SLC2A14: variants seen among roughly 807,000 people sequenced by gnomAD.
The protein encoded by SLC2A14 is solute carrier family 2, facilitated glucose transporter member 14.
SLC2A14 carries 13 observed loss-of-function variants against 43.0 expected under a neutral mutation model. The ratio of observed to expected loss-of-function variants is 0.30; its 90% CI spans 0.20 to 0.48. SLC2A14 has a LOEUF of 0.48. SLC2A14 is among the 20% of genes least tolerant of loss of function. The probability of loss-of-function intolerance (pLI) is 0.99; values close to 1 mark genes in which losing one functional copy is unlikely to be tolerated. For synonymous variants in SLC2A14, 190 were observed against 233.8 expected, an observed-to-expected ratio of 0.81 and a Z score of 1.71; for missense variants, 428 against 620.4, an observed-to-expected ratio of 0.69 and a Z score of 3.29.
chr12:7,841,813 C>G (rs1405255685), intron 2 of SLC2A14, among the ~76,000 whole-genome samples: 1 of 151,842 alleles, frequency 6.6e-6, no homozygotes, highest in African/African-American at 2.4e-5. Flanking sequence ...CGACACCAGC[C>G]CAACCAACAT....
Position 7,829,928 on chromosome 12 carries a change from T to C in SLC2A14, c.351A>G (p.Ser117=), listed in dbSNP as rs771606254. The C allele has an allele frequency of 1.2e-6, 2 of 1,614,200 alleles. No individual in the cohort carries two copies. The highest frequency in any genetic ancestry group is 1.3e-5 in the African/African-American group (1 of 75,060). The change falls in exon 5 of 11, where the codon TCA becomes TCG. Residue 117 remains serine, a synonymous_variant. Coordinates refer to ENST00000431042, the MANE Select transcript of SLC2A14 (RefSeq NM_001286234.2). ...CLMGLCKIAE[S]VEMLILGRLV... is the part of the protein sequence containing the mutation. ...AGCGGCCCAGGATCAGCATTTCAAC[T>C]GACTCAGCTATTTTACACAGTCCCA...
intron 2 of SLC2A14, among the ~76,000 whole-genome samples, chr12:7,859,206 C>T (rs1388210237): frequency 1.3e-5 from 2 of 151,876 alleles, no homozygotes; most frequent in South Asian, 2.1e-4. Flanking sequence ...CTGACGAACA[C>T]GGTGAAACCC....
chr12:7,840,696 T>C (rs1205381894), intron 2 of SLC2A14, among the ~76,000 whole-genome samples: 1 of 152,214 alleles, frequency 6.6e-6, no homozygotes, highest in Non-Finnish European at 1.5e-5. Context: ...TGTGTTGTTT[T>C]GTTATAGCAG....
chr12:7,862,050 G>T (rs750214823), intron 2 of SLC2A14, among the ~76,000 whole-genome samples: 1 of 151,166 alleles, frequency 6.6e-6, no homozygotes, highest in African/African-American at 2.4e-5. Flanking sequence ...TGGATCACGA[G>T]GTGAGGAGTT....
chr12:7,832,868 T>TAA, intron 2 of SLC2A14, 54 bp from the exon 3 acceptor site: 1 of 1,530,344 alleles, frequency 6.5e-7, no homozygotes, highest in Non-Finnish European at 9.0e-7. Context: ...TTGTAATTGA[T>TAA]GACTGTTTCT....
chr12:7,854,115 T>TA (rs1327422654), intron 2 of SLC2A14, among the ~76,000 whole-genome samples: 1 of 152,126 alleles, frequency 6.6e-6, no homozygotes, highest in Non-Finnish European at 1.5e-5. Flanking sequence ...CATATATCTA[T>TA]AGCCTGTCTT....
rs561280330 is a variant in SLC2A14 at position 7,868,452 on chromosome 12, T to C, written c.18+1411A>G. ...ACCTGCACTATCTCTGAGGTATGCC[T>C]GTATTTAGAATAATCAAAATCCTCC... On this transcript the variant is annotated intron_variant, in intron 2 of 10. Transcript: ENST00000431042. Among the ~76,000 whole-genome samples, 86 of 152,166 alleles carry C rather than the reference T, an allele frequency of 5.7e-4. 1 individual carries two copies. Among genetic ancestry groups the C allele is most frequent in the Admixed American group, 4.6e-4 (7 of 15,270 alleles).
upstream of SLC2A14, among the ~76,000 whole-genome samples, chr12:7,874,532 C>A (rs934848894): frequency 6.6e-6 from 1 of 151,276 alleles, no homozygotes; most frequent in Non-Finnish European, 1.5e-5. Context: ...ACTAGCCGGG[C>A]GTGGTGGCAT....
intron 2 of SLC2A14, among the ~76,000 whole-genome samples, chr12:7,848,547 T>C (rs1337603146): frequency 1.7e-5 from 2 of 115,846 alleles, no homozygotes; most frequent in African/African-American, 6.5e-5. Flanking sequence ...TTCTGCTTTT[T>C]CCAATTCCAT....
chr12:7,888,696 G>C (rs187730514), intron 1 of SLC2A14, among the ~76,000 whole-genome samples: 31 of 151,428 alleles, frequency 2.0e-4, no homozygotes, highest in Admixed American at 1.8e-3. Flanking sequence ...TGCTCCGGAG[G>C]CTGAGGCAGG....
intron 10 of SLC2A14, among the ~76,000 whole-genome samples, chr12:7,815,316 T>C (rs1863339461): frequency 6.6e-6 from 1 of 151,614 alleles, no homozygotes; most frequent in African/African-American, 2.4e-5. Context: ...CTCAGGAGGC[T>C]GAGGCAAGAG....
At chr12:7,881,700 C>T (rs1362384623) in intron 1 of SLC2A14, among the ~76,000 whole-genome samples, 1 of 152,100 alleles carries the variant, frequency 6.6e-6, no homozygotes, top group African/African-American at 2.4e-5. Context: ...CACCTCCAGC[C>T]CCAGTGCAAG....
intron 2 of SLC2A14, among the ~76,000 whole-genome samples, chr12:7,844,352 C>T (rs1866273442): frequency 6.6e-6 from 1 of 152,072 alleles, no homozygotes; most frequent in Non-Finnish European, 1.5e-5. Context: ...TAGTATTCCA[C>T]TTTTGGCTAT....
At position 7,856,401 on chromosome 12, in the gene SLC2A14, C is replaced by T. The variant is rs913541514; in HGVS notation, c.18+13462G>A. 5.9e-5 allele frequency: 9 copies of T among 152,316 alleles called. No homozygotes were observed. The East Asian group carries it at 1.5e-3, about 26-fold the overall frequency. The allele number at this position is 152,316 out of a possible 1,614,324, so 9.4% of individuals were successfully genotyped here. A position where few individuals can be genotyped will look rare whatever the true frequency, so the allele number is the denominator to read the frequency against. On this transcript the variant is annotated intron_variant, in intron 2 of 10. Coordinates refer to ENST00000431042, the MANE Select transcript of SLC2A14 (RefSeq NM_001286234.2). ...CCCATATAAGTCCCGTGCTGATCCG[C>T]AGTGGGATGGCGCCTGTGAATAGCC...
At chr12:7,827,889 C>T (rs1864633687) in intron 6 of SLC2A14, among the ~76,000 whole-genome samples, 1 of 152,032 alleles carries the variant, frequency 6.6e-6, no homozygotes, top group Non-Finnish European at 1.5e-5. Flanking sequence ...GCCTGTAATC[C>T]CAGCATTTTG....
chr12:7,852,762 T>C (rs1867040058), intron 2 of SLC2A14, among the ~76,000 whole-genome samples: 1 of 152,206 alleles, frequency 6.6e-6, no homozygotes, highest in Admixed American at 6.5e-5. Flanking sequence ...TTAGACACCA[T>C]GCACCTTGAT....
chr12:7,890,385 C>T (rs1046484822), intron 1 of SLC2A14, among the ~76,000 whole-genome samples: 4 of 152,092 alleles, frequency 2.6e-5, no homozygotes, highest in Non-Finnish European at 4.4e-5. Context: ...CCACATTTTT[C>T]CTTCTCAGAT....
At chr12:7,815,797 C>T (rs1485113734) in intron 10 of SLC2A14, among the ~76,000 whole-genome samples, 1 of 152,060 alleles carries the variant, frequency 6.6e-6, no homozygotes, top group African/African-American at 2.4e-5. Context: ...GCTGGTCTTG[C>T]ACTCCCAACC....
intron 7 of SLC2A14, among the ~76,000 whole-genome samples, chr12:7,824,956 C>A (rs11055977): frequency 0.96 from 145,967 of 151,786 alleles, 70,221 homozygotes; most frequent in Non-Finnish European, 0.98. Context: ...CAGCCTCCCA[C>A]AGTGCTGGGA....
Sources: gnomAD v4.1 joint callset for allele counts (sites outside exome capture counted in the v4.1 genomes callset) on GRCh38, gnomAD v4.1.1 for gene constraint, MANE v1.5 for transcripts, NCBI Gene and HGNC (gene_info 2026-07-23, HGNC 2026-07-21) for gene names.